Variants in TMEM150C observed in about 807,000 individuals in gnomAD.
The protein encoded by TMEM150C is tentonin 3.
In TMEM150C, 10 loss-of-function variants were observed where a neutral mutation model predicts 29.9. The observed-to-expected ratio is 0.33, with a 90% confidence interval of 0.21 to 0.57. TMEM150C has a LOEUF of 0.57. Among genes scored for constraint, TMEM150C ranks in the 20% least tolerant of loss-of-function variants. The pLI, the probability that TMEM150C is intolerant of heterozygous loss-of-function variation, is 0.88. For synonymous variants in TMEM150C, 101 were observed against 112.5 expected, an observed-to-expected ratio of 0.90 and a Z score of 0.64; for missense variants, 251 against 303.6, an observed-to-expected ratio of 0.83 and a Z score of 1.29.
At chr4:82,495,198 C>G (rs1037527198) in intron 6 of TMEM150C, 2 of 331,452 alleles carry the variant, frequency 6.0e-6, no homozygotes, top group Admixed American at 3.6e-5. Flanking sequence ...ATCCCAGCAA[C>G]TTGGGAGGCC....
intron 1 of TMEM150C, among the ~76,000 whole-genome samples, chr4:82,541,621 G>A (rs888303518): frequency 6.6e-6 from 1 of 152,144 alleles, no homozygotes; most frequent in South Asian, 2.1e-4. Flanking sequence ...GACTAAATCA[G>A]TGAGGAGCCC....
intron 6 of TMEM150C, among the ~76,000 whole-genome samples, chr4:82,492,860 T>TTG (rs199875273): frequency 0.014 from 867 of 61,208 alleles, 11 homozygotes; most frequent in South Asian, 0.032. Flanking sequence ...GCGTATATGT[T>TTG]TGTGTATATA....
chr4:82,533,597 G>A (rs754121410), intron 1 of TMEM150C, among the ~76,000 whole-genome samples: 35 of 152,192 alleles, frequency 2.3e-4, no homozygotes, highest in African/African-American at 7.5e-4. Context: ...CTTAGATCTC[G>A]TAACCAGTTT....
At chr4:82,520,295 C>T (rs529249892) in intron 1 of TMEM150C, among the ~76,000 whole-genome samples, 1 of 152,352 alleles carries the variant, frequency 6.6e-6, no homozygotes, top group South Asian at 2.1e-4. Context: ...CTTAACCATG[C>T]AATGTGGACA....
chr4:82,509,241 G>C (rs988280391), intron 1 of TMEM150C, among the ~76,000 whole-genome samples: 1 of 152,104 alleles, frequency 6.6e-6, no homozygotes, highest in African/African-American at 2.4e-5. Context: ...TCTACCGCTC[G>C]CTTTGTGACC....
chr4:82,491,181 T>C, intron 6 of TMEM150C: 1 of 697,284 alleles, frequency 1.4e-6, no homozygotes, highest in Non-Finnish European at 2.6e-6. Context: ...CTTTTTGTTT[T>C]CCACCAAGGT....
Position 82,527,076 on chromosome 4 carries a change from TCA to T in TMEM150C, c.-10-22411_-10-22410del, listed in dbSNP as rs537343374. Among the ~76,000 whole-genome samples, 13 of 148,848 alleles carry T rather than the reference TCA, an allele frequency of 8.7e-5. No individual in the cohort carries two copies. The East Asian group carries it at 2.6e-3, about 30-fold the overall frequency. On this transcript the variant is annotated intron_variant, in intron 1 of 7. Coordinates refer to ENST00000449862, the MANE Select transcript of TMEM150C (RefSeq NM_001080506.3). The stretch of plus-strand genomic sequence containing the variant: ...AATTGCCCATATCTCCTATTTTACT[TCA>T]CAGAGTAAACCTCAGGTATTTCAGC...
chr4:82,495,501 A>T, intron 6 of TMEM150C: 1 of 378,066 alleles, frequency 2.6e-6, no homozygotes, highest in Non-Finnish European at 5.1e-6. Context: ...GAGGCACCCT[A>T]GTATCAGTCA....
At chr4:82,502,687 T>C in intron 5 of TMEM150C, 40 bp downstream of exon 5, 1 of 1,562,802 alleles carries the variant, frequency 6.4e-7, no homozygotes, top group Non-Finnish European at 8.7e-7. Flanking sequence ...ACAAAAGAAA[T>C]GTACCAAAGC....
chr4:82,495,518 G>A (rs546124663), intron 6 of TMEM150C: 32 of 369,820 alleles, frequency 8.7e-5, no homozygotes, highest in African/African-American at 5.6e-4. Flanking sequence ...GTCAGTCCAG[G>A]TATAGCCTTC....
intron 1 of TMEM150C, among the ~76,000 whole-genome samples, chr4:82,531,626 A>G (rs113535456): frequency 0.045 from 6,792 of 151,986 alleles, 503 homozygotes; most frequent in African/African-American, 0.16. Flanking sequence ...GTAGTGGCAC[A>G]CACCTGTAAT....
At chr4:82,542,729 T>C (rs769682471) in intron 1 of TMEM150C, among the ~76,000 whole-genome samples, 13 of 152,170 alleles carry the variant, frequency 8.5e-5, no homozygotes, top group Non-Finnish European at 1.9e-4. Flanking sequence ...GGCAGGTCAG[T>C]TCAAGCTCAG....
rs573763230 is a variant in TMEM150C, at chr4:82,491,332, G to A, written c.364-1094C>T. The A allele has an allele frequency of 9.1e-6, 6 of 657,682 alleles. No individual in the cohort carries two copies. In the South Asian group the frequency reaches 1.0e-4, roughly 11 times the overall value. 40.7% of individuals were successfully genotyped at this position (657,682 alleles called of 1,614,324 possible). A position where few individuals can be genotyped will look rare whatever the true frequency, so the allele number is the denominator to read the frequency against. On this transcript the variant is annotated intron_variant, in intron 6 of 7. Coordinates refer to ENST00000449862, the MANE Select transcript of TMEM150C (RefSeq NM_001080506.3). Reference sequence around the variant, plus strand: ...GTCTCTGGTCTGTACCTGTGGGCTAGCTTAAGCAGCTGAGTAGCTGCTTGG... The same window carrying A: ...GTCTCTGGTCTGTACCTGTGGGCTAACTTAAGCAGCTGAGTAGCTGCTTGG...
intron 6 of TMEM150C, chr4:82,491,028 C>CA: frequency 1.4e-6 from 1 of 736,220 alleles, no homozygotes; most frequent in Non-Finnish European, 2.5e-6. Flanking sequence ...AACAGTGGTG[C>CA]AGGTCTTCCT....
chr4:82,490,727 G>A (rs1377523132), intron 6 of TMEM150C: 2 of 368,392 alleles, frequency 5.4e-6, no homozygotes, highest in African/African-American at 2.1e-5. Flanking sequence ...GGGACCACAG[G>A]TACATGCCAC....
chr4:82,514,934 A>AT lies in TMEM150C; in HGVS notation c.-10-10268dup, dbSNP rs1724244934. On this transcript the variant is annotated intron_variant, in intron 1 of 7. Coordinates refer to ENST00000449862, the MANE Select transcript of TMEM150C (RefSeq NM_001080506.3). ...TTTTAAGCCACATTATTGTTGCCTT[A>AT]TTGTTGTTATAGCAGCTGAACCTTT... is the stretch of plus-strand genomic sequence containing the variant. Among the ~76,000 whole-genome samples, 2 of 152,172 alleles carry AT rather than the reference A, an allele frequency of 1.3e-5. 1 individual carries two copies. The highest frequency in any genetic ancestry group is 4.1e-4 in the South Asian group (2 of 4,828).
chr4:82,501,475 C>A (rs79272721), intron 5 of TMEM150C, among the ~76,000 whole-genome samples: 10,157 of 152,274 alleles, frequency 0.067, 399 homozygotes, highest in Non-Finnish European at 0.069. Flanking sequence ...CGGACACCTC[C>A]TGCTTTGGCA....
intron 5 of TMEM150C, among the ~76,000 whole-genome samples, chr4:82,502,183 G>C (rs778882684): frequency 6.6e-6 from 1 of 152,148 alleles, no homozygotes; most frequent in African/African-American, 2.4e-5. Context: ...AAAAGGAACT[G>C]GGGCTAGATA....
chr4:82,503,261 A>C (rs1403000500), intron 2 of TMEM150C, 149 bp from the exon 3 acceptor site: 2 of 630,088 alleles, frequency 3.2e-6, no homozygotes, highest in Non-Finnish European at 5.5e-6. Flanking sequence ...TAGATCATCT[A>C]GTTCTTTGAA....
Sources: gnomAD v4.1 joint callset for allele counts (sites outside exome capture counted in the v4.1 genomes callset) on GRCh38, gnomAD v4.1.1 for gene constraint, MANE v1.5 for transcripts, NCBI Gene and HGNC (gene_info 2026-07-23, HGNC 2026-07-21) for gene names.